The following PANK2 variants were observed in gnomAD, a reference collection of about 807,000 sequenced individuals.
PANK2 encodes pantothenate kinase 2, also known as pantothenate kinase 2, mitochondrial.
PANK2 carries 36 observed loss-of-function variants against 43.1 expected under a neutral mutation model. That is an observed-to-expected ratio of 0.84 (90% confidence interval 0.64 to 1.10). The LOEUF is 1.10. PANK2 is among the 50% of genes least tolerant of loss of function. The pLI is 0.00. For synonymous variants in PANK2, 281 were observed against 238.2 expected (o/e 1.18, Z -1.66); for missense variants, 576 against 593.3 (o/e 0.97, Z 0.30).
rs1194667008 is a variant in PANK2 at position 3,927,678 on chromosome 20, G to A, written c.*4384G>A. 6.6e-6 allele frequency: 1 copy of A among 152,202 alleles called. No individual in the cohort carries two copies. The highest frequency in any genetic ancestry group is 1.9e-4 in the East Asian group (1 of 5,198). 9.4% of individuals were successfully genotyped at this position (152,202 alleles called of 1,614,324 possible). On this transcript the variant is annotated 3_prime_UTR_variant, in exon 7 of 7. Transcript: ENST00000610179. ...TAGGAAGACCAGCTGTCACCAGAAG[G>A]GAGTTCCTAACACTTGCCACACCTG...
At chr20:3,913,627 G>A (rs1045181446) in intron 4 of PANK2, among the ~76,000 whole-genome samples, 7 of 151,802 alleles carry the variant, frequency 4.6e-5, no homozygotes, top group African/African-American at 1.2e-4. Context: ...GAGCCACCGC[G>A]CCCGGCTGCC....
chr20:3,918,460 T>C (rs1196465866), intron 5 of PANK2, among the ~76,000 whole-genome samples: 2 of 152,214 alleles, frequency 1.3e-5, no homozygotes, highest in African/African-American at 4.8e-5. Context: ...CTAATCTGTT[T>C]TCTTCTCCTG....
Position 3,889,630 on chromosome 20 carries a change from C to T in PANK2, c.200C>T (p.Ala67Val). ...AGCGCGTCGGTGCCCGCGGTCGGGG[C>T]CTCGGCTGAGGGCACGAGGCGGGAT... The change falls in exon 1 of 7, where the codon GCC becomes GTC. Residue 67 changes from alanine to valine, a missense_variant. This residue lies in a region of PANK2 where 544 missense variants were observed against 528.9 expected (regional missense o/e 1.03). Transcript: ENST00000610179. The T allele has an allele frequency of 6.4e-7, 1 of 1,564,610 alleles. No individual in the cohort carries two copies. The highest frequency in any genetic ancestry group is 8.6e-7 in the Non-Finnish European group (1 of 1,164,190).
At chr20:3,920,217 TA>T (rs11482548) in intron 6 of PANK2, among the ~76,000 whole-genome samples, 5 of 149,806 alleles carry the variant, frequency 3.3e-5, no homozygotes, top group South Asian at 2.1e-4. Flanking sequence ...AAGTTAACCT[TA>T]AAAAAAAAAT....
chr20:3,920,578 G>T (rs241595), intron 6 of PANK2, among the ~76,000 whole-genome samples: 72,556 of 151,502 alleles, frequency 0.48, 17,809 homozygotes, highest in African/African-American at 0.58. Context: ...CAGGTGCAGC[G>T]GCTCACGCCT....
chr20:3,898,127 G>T (rs1420597265), intron 1 of PANK2, among the ~76,000 whole-genome samples: 1 of 152,130 alleles, frequency 6.6e-6, no homozygotes, highest in African/African-American at 2.4e-5. Flanking sequence ...AAAAGCCATT[G>T]CTGCATTACT....
At chr20:3,895,868 T>C (rs1444673515) in intron 1 of PANK2, among the ~76,000 whole-genome samples, 1 of 152,186 alleles carries the variant, frequency 6.6e-6, no homozygotes, top group Non-Finnish European at 1.5e-5. Flanking sequence ...TTTATAAGTA[T>C]CTAGTCCCTG....
chr20:3,913,230 A>G (rs1372954708), intron 4 of PANK2, among the ~76,000 whole-genome samples: 2 of 152,180 alleles, frequency 1.3e-5, no homozygotes, highest in Non-Finnish European at 2.9e-5. Flanking sequence ...AACATTTCAT[A>G]TAAGTGGTAT....
intron 1 of PANK2, among the ~76,000 whole-genome samples, chr20:3,900,982 C>G (rs1454936841): frequency 6.6e-6 from 1 of 151,810 alleles, no homozygotes; most frequent in Non-Finnish European, 1.5e-5. Context: ...GTTGGCCAGG[C>G]TGGTCTCGAA....
chr20:3,901,955 G>T (rs1308112667), intron 1 of PANK2, among the ~76,000 whole-genome samples: 1 of 151,898 alleles, frequency 6.6e-6, no homozygotes, highest in Non-Finnish European at 1.5e-5. Context: ...TGTGATTTAT[G>T]TATCTTTATA....
intron 1 of PANK2, among the ~76,000 whole-genome samples, chr20:3,896,298 T>A (rs2090207701): frequency 6.6e-6 from 1 of 150,722 alleles, no homozygotes; most frequent in Non-Finnish European, 1.5e-5. Flanking sequence ...CAGGATGGTC[T>A]CTATCTCCTG....
At chr20:3,901,523 A>G (rs2090301761) in intron 1 of PANK2, 2 of 737,250 alleles carry the variant, frequency 2.7e-6, no homozygotes, top group African/African-American at 3.8e-5. Flanking sequence ...ATCAGAATCT[A>G]TCTTTTCTTC....
rs1342175573 is a variant in PANK2 at position 3,925,773 on chromosome 20, C to T, written c.*2479C>T. 6.6e-6 allele frequency: 1 copy of T among 152,378 alleles called. No individual in the cohort carries two copies. The highest frequency in any genetic ancestry group is 1.5e-5 in the Non-Finnish European group (1 of 68,192). 9.4% of individuals were successfully genotyped at this position (152,378 alleles called of 1,614,324 possible). A position where few individuals can be genotyped will look rare whatever the true frequency, so the allele number is the denominator to read the frequency against. The stretch of plus-strand genomic sequence containing the variant: ...GACTGATTTCCAGGGAACACTTCAA[C>T]CACCCCTTACCTCTGAGCTCCAGCC... On this transcript the variant is annotated 3_prime_UTR_variant, in exon 7 of 7. Transcript: ENST00000610179.
In PANK2 at chr20:3,894,239, G is replaced by T. The variant is rs970887950; in HGVS notation, c.298+4511G>T. Among the ~76,000 whole-genome samples, 6 of 137,926 alleles carry T rather than the reference G, an allele frequency of 4.4e-5. No homozygotes were observed. In the South Asian group the frequency reaches 1.5e-3, roughly 34 times the overall value. The allele number at this position is 137,926 out of a possible 152,430, so 90.5% of individuals were successfully genotyped here. On this transcript the variant is annotated intron_variant, in intron 1 of 6. Transcript: ENST00000610179. ...AGCCACCGTGCCTGACCGAAAAGAT[G>T]TTGTTTGTTTGTTTGTTTTTGAGAC...
At chr20:3,912,677 C>T (rs200273451) in intron 4 of PANK2, 43 bp downstream of exon 4, 449 of 1,607,358 alleles carry the variant, frequency 2.8e-4, no homozygotes, top group Non-Finnish European at 3.5e-4. Context: ...GCGGGCCGGG[C>T]GCGGTGGCTC....
rs370766524 is a variant in PANK2, at chr20:3,918,668, C to G, written c.1207-3C>G. 1.2e-6 allele frequency: 2 copies of G among 1,614,052 alleles called. No homozygotes were observed. Among genetic ancestry groups the G allele is most frequent in the Admixed American group, 1.7e-5 (1 of 60,024 alleles). On this transcript the variant is annotated splice_region_variant and splice_polypyrimidine_tract_variant and intron_variant, in intron 5 of 6. Transcript: ENST00000610179. The stretch of plus-strand genomic sequence containing the variant: ...ACTAATTGCCTTTTTTTGGTGTGCT[C>G]AGAACATTAACCAGGTGGTATTTGT...
At chr20:3,889,829 C>T (rs968587172) in intron 1 of PANK2, 101 bp downstream of exon 1, 12 of 1,537,906 alleles carry the variant, frequency 7.8e-6, no homozygotes, top group African/African-American at 1.4e-5. Context: ...CGCGCGGACA[C>T]TGTCCCCGCA....
At chr20:3,895,738 G>A (rs1409907727) in intron 1 of PANK2, among the ~76,000 whole-genome samples, 1 of 152,060 alleles carries the variant, frequency 6.6e-6, no homozygotes, top group Non-Finnish European at 1.5e-5. Flanking sequence ...GCGGCTTAAA[G>A]TTTGCTTTCT....
In PANK2 at chr20:3,923,380, A is replaced by G; in HGVS notation, c.*86A>G. 1 of 1,351,654 alleles carries G rather than the reference A, an allele frequency of 7.4e-7. No individual in the cohort carries two copies. Among genetic ancestry groups the G allele is most frequent in the Non-Finnish European group, 1.1e-6 (1 of 940,982 alleles). 83.7% of individuals were successfully genotyped at this position (1,351,654 alleles called of 1,614,324 possible). A position where few individuals can be genotyped will look rare whatever the true frequency, so the allele number is the denominator to read the frequency against. On this transcript the variant is annotated 3_prime_UTR_variant, in exon 7 of 7. Coordinates refer to ENST00000610179, the MANE Select transcript of PANK2 (RefSeq NM_001386393.1). The stretch of plus-strand genomic sequence containing the variant: ...TTTAAGAGACTTACTCAATTTCATG[A>G]CTGTACTACCTGAAACAAAGTGAGA...
Sources: gnomAD v4.1 joint callset for allele counts (sites outside exome capture counted in the v4.1 genomes callset) on GRCh38, gnomAD v4.1.1 for gene constraint, gnomAD v4.1.1 regional missense constraint, MANE v1.5 for transcripts, NCBI Gene and HGNC (gene_info 2026-07-23, HGNC 2026-07-21) for gene names.